PLAGL1: variants seen among roughly 807,000 people sequenced by gnomAD.
The protein encoded by PLAGL1 is PLAG1 like zinc finger 1, also known as zinc finger protein PLAGL1.
In PLAGL1, 1 loss-of-function variant was observed where a neutral mutation model predicts 4.6. That is an observed-to-expected ratio of 0.22 (90% CI 0.08 to 1.03). The LOEUF (loss-of-function observed/expected upper bound fraction) is 1.03. Among genes scored for constraint, PLAGL1 ranks in the 50% least tolerant of loss-of-function variants. The pLI is 0.58. For synonymous variants in PLAGL1, 240 were observed against 237.8 expected, an observed-to-expected ratio of 1.01 and a Z score of -0.08; for missense variants, 464 against 570.4, an observed-to-expected ratio of 0.81 and a Z score of 1.90.
rs554217983 is a variant in PLAGL1 at position 144,039,571 on chromosome 6, G to A, written c.-151+24897C>T. ...ACTTCACTTCAGCCTGGGTGACAGA[G>A]TGAGACTGTGTCTCAAAAATAAAAT... On this transcript the variant is annotated intron_variant, in intron 1 of 3. Coordinates refer to the PLAGL1 transcript ENST00000437412. This position sits in a 1 kb window ranked among gnomAD's most constrained non-coding sequence, Gnocchi z 4.1. 1.4e-4 allele frequency among the ~76,000 whole-genome samples: 21 copies of A among 152,310 alleles called. No individual in the cohort carries two copies. Among genetic ancestry groups the A allele is most frequent in the African/African-American group, 4.8e-4 (20 of 41,560 alleles).
rs550055479 is a variant in PLAGL1 at position 143,957,086 on chromosome 6, T to C, written c.-325+3383A>G. 6.6e-6 allele frequency among the ~76,000 whole-genome samples: 1 copy of C among 152,378 alleles called. No individual in the cohort carries two copies. Among genetic ancestry groups the C allele is most frequent in the East Asian group, 1.9e-4 (1 of 5,190 alleles). On this transcript the variant is annotated intron_variant, in intron 6 of 7. Coordinates refer to ENST00000674357, the MANE Select transcript of PLAGL1 (RefSeq NM_001317162.2). The surrounding 1 kb of genome is among the most constrained non-coding windows in gnomAD (Gnocchi z 4.2). The stretch of plus-strand genomic sequence containing the variant: ...GGAAAAGAAATATTGTTGCAGACTC[T>C]TGGATCTTTGACAGGCCTCCTCACC...
intron 1 of PLAGL1, among the ~76,000 whole-genome samples, chr6:144,062,470 CAAAAAAAAAAA>C (rs543521128): frequency 2.6e-5 from 2 of 75,700 alleles, no homozygotes; most frequent in African/African-American, 5.2e-5. Context: ...GTTATCAGAC[CAAAAAAAAAAA>C]AAAAAAAAAA....
At chr6:143,992,035 G>GT (rs1219943675) in intron 1 of PLAGL1, among the ~76,000 whole-genome samples, 1 of 152,188 alleles carries the variant, frequency 6.6e-6, no homozygotes, top group Non-Finnish European at 1.5e-5. Context: ...ATGAGGTAAA[G>GT]TGGTCAAGGA....
chr6:144,042,752 A>G (rs1797836864), intron 1 of PLAGL1, among the ~76,000 whole-genome samples: 1 of 152,148 alleles, frequency 6.6e-6, no homozygotes, highest in Admixed American at 6.5e-5. Context: ...TGAATCTATA[A>G]ATTACCTTGG....
In PLAGL1 at chr6:143,964,571, C is replaced by T. The variant is rs1351697108; in HGVS notation, c.-399+216G>A. The stretch of plus-strand genomic sequence containing the variant: ...AATCTTAGAACAGTGCACATCTGTG[C>T]TATAGACTAGCTACAACTGCTGGAA... On this transcript the variant is annotated intron_variant, in intron 5 of 7. Coordinates refer to ENST00000674357, the MANE Select transcript of PLAGL1 (RefSeq NM_001317162.2). The surrounding 1 kb of genome is among the most constrained non-coding windows in gnomAD (Gnocchi z 4.3). Among the ~76,000 whole-genome samples, 1 of 151,880 alleles carries T rather than the reference C, an allele frequency of 6.6e-6. No individual in the cohort carries two copies. Among genetic ancestry groups the T allele is most frequent in the East Asian group, 1.9e-4 (1 of 5,150 alleles).
In PLAGL1 at chr6:143,964,980, C is replaced by T. The variant is rs1784145238; in HGVS notation, c.-430-162G>A. The T allele has an allele frequency of 6.6e-6, 1 of 152,116 alleles. No homozygotes were observed. Among genetic ancestry groups the T allele is most frequent in the South Asian group, 2.1e-4 (1 of 4,814 alleles). The allele number at this position is 152,116 out of a possible 1,614,324, so 9.4% of individuals were successfully genotyped here. A position where few individuals can be genotyped will look rare whatever the true frequency, so the allele number is the denominator to read the frequency against. ...TGGAGTCATGAGATCCAGGACACCC[C>T]CGTTTCCCAAGCCTGGATGTGCCTC... On this transcript the variant is annotated intron_variant, in intron 4 of 7. Coordinates refer to ENST00000674357, the MANE Select transcript of PLAGL1 (RefSeq NM_001317162.2). The surrounding 1 kb of genome is among the most constrained non-coding windows in gnomAD (Gnocchi z 4.3).
Position 144,055,261 on chromosome 6 carries a change from C to T in PLAGL1, c.-151+9207G>A, listed in dbSNP as rs1224579313. Among the ~76,000 whole-genome samples, 1 of 152,114 alleles carries T rather than the reference C, an allele frequency of 6.6e-6. No homozygotes were observed. The highest frequency in any genetic ancestry group is 2.4e-5 in the African/African-American group (1 of 41,390). On this transcript the variant is annotated intron_variant, in intron 1 of 3. Transcript: ENST00000437412. The surrounding 1 kb of genome is among the most constrained non-coding windows in gnomAD (Gnocchi z 5.0). ...GACAGAGAAGAAAGCTTACCGAGTG[C>T]TTAGTTCAACACTTTCATTTTACAT...
intron 2 of PLAGL1, among the ~76,000 whole-genome samples, chr6:143,976,690 G>A (rs1461446559): frequency 6.6e-6 from 1 of 152,148 alleles, no homozygotes; most frequent in East Asian, 1.9e-4. Context: ...ACTCAGCCTA[G>A]AGCTGGTGAA....
Position 144,061,652 on chromosome 6 carries a change from C to CTA in PLAGL1, c.-151+2814_-151+2815dup, listed in dbSNP as rs1356918465. Among the ~76,000 whole-genome samples the CTA allele has an allele frequency of 6.6e-6, 1 of 152,190 alleles. No homozygotes were observed. The highest frequency in any genetic ancestry group is 1.9e-4 in the East Asian group (1 of 5,206). Reference sequence around the variant, plus strand: ...TTGAAATAACTTTAAAACTACAAATCTATACAGTTTTATTAAAATGTATAT... The same window carrying CTA: ...TTGAAATAACTTTAAAACTACAAATCTATATACAGTTTTATTAAAATGTATAT... On this transcript the variant is annotated intron_variant, in intron 1 of 3. Coordinates refer to the PLAGL1 transcript ENST00000437412. The surrounding 1 kb of genome is among the most constrained non-coding windows in gnomAD (Gnocchi z 4.4).
rs1796418344 is a variant in PLAGL1 at position 144,027,241 on chromosome 6, A to AAGAAAGAAAGAAAGAAAGAT, written c.-151+37226_-151+37227insATCTTTCTTTCTTTCTTTCT. Among the ~76,000 whole-genome samples, 2 of 92,504 alleles carry AAGAAAGAAAGAAAGAAAGAT rather than the reference A, an allele frequency of 2.2e-5. No individual in the cohort carries two copies. Among genetic ancestry groups the AAGAAAGAAAGAAAGAAAGAT allele is most frequent in the African/African-American group, 8.0e-5 (2 of 24,966 alleles). 60.7% of individuals were successfully genotyped at this position (92,504 alleles called of 152,430 possible). A position where few individuals can be genotyped will look rare whatever the true frequency, so the allele number is the denominator to read the frequency against. ...CCCAACTCAAAGAACGAACGAAAGA[A>AAGAAAGAAAGAAAGAAAGAT]AGAAAGAAAGAAAGAAAGAAAGAAA... On this transcript the variant is annotated intron_variant, in intron 1 of 3. Transcript: ENST00000437412. The surrounding 1 kb of genome is among the most constrained non-coding windows in gnomAD (Gnocchi z 5.8).
chr6:143,956,578 T>TCCC (rs1481764186), intron 6 of PLAGL1, among the ~76,000 whole-genome samples: 3 of 152,188 alleles, frequency 2.0e-5, no homozygotes, highest in African/African-American at 7.2e-5. Context: ...AATCTTTTGG[T>TCCC]TATCTCTTCT....
At chr6:144,046,109 T>C (rs1434825449) in intron 1 of PLAGL1, among the ~76,000 whole-genome samples, 1 of 152,172 alleles carries the variant, frequency 6.6e-6, no homozygotes, top group East Asian at 1.9e-4. Flanking sequence ...GTTTCTGGCT[T>C]CCTTGCAATG....
At chr6:144,043,925 A>G (rs905585443) in intron 1 of PLAGL1, among the ~76,000 whole-genome samples, 30 of 152,142 alleles carry the variant, frequency 2.0e-4, no homozygotes, top group Non-Finnish European at 2.1e-4. Context: ...TGTGTCCAGG[A>G]ATTTATCCAT....
chr6:143,986,405 T>C (rs1789173825), intron 1 of PLAGL1, among the ~76,000 whole-genome samples: 1 of 152,114 alleles, frequency 6.6e-6, no homozygotes, highest in Non-Finnish European at 1.5e-5. Context: ...CTTTATATTA[T>C]AGCAACAAAC....
chr6:143,974,949 A>G (rs1786184221), intron 2 of PLAGL1, among the ~76,000 whole-genome samples: 2 of 152,190 alleles, frequency 1.3e-5, no homozygotes, highest in African/African-American at 4.8e-5. Flanking sequence ...TTATCAATCC[A>G]TTTACGTATC....
At chr6:144,041,089 A>G (rs1364933005) in intron 1 of PLAGL1, among the ~76,000 whole-genome samples, 1 of 152,144 alleles carries the variant, frequency 6.6e-6, no homozygotes, top group African/African-American at 2.4e-5. Flanking sequence ...GTGAAGACCA[A>G]TGGGGAGTAG....
rs1036801719 is a variant in PLAGL1, at chr6:143,985,143, A to G, written c.-552T>C. On this transcript the variant is annotated 5_prime_UTR_variant, in exon 2 of 8. Transcript: ENST00000674357. The surrounding 1 kb of genome is among the most constrained non-coding windows in gnomAD (Gnocchi z 4.4). Reference sequence around the variant, plus strand: ...CTGAAATATCAGCTTACAAAAGCCAATCACGATGTTTATGAATCAGGCAGG... The same window carrying G: ...CTGAAATATCAGCTTACAAAAGCCAGTCACGATGTTTATGAATCAGGCAGG... 3.9e-5 allele frequency: 6 copies of G among 152,238 alleles called. No homozygotes were observed. Among genetic ancestry groups the G allele is most frequent in the Admixed American group, 6.5e-5 (1 of 15,270 alleles). The allele number at this position is 152,238 out of a possible 1,614,324, so 9.4% of individuals were successfully genotyped here.
chr6:143,960,109 A>G lies in PLAGL1; in HGVS notation c.-325+360T>C, dbSNP rs1783060580. Among the ~76,000 whole-genome samples, 2 of 152,222 alleles carry G rather than the reference A, an allele frequency of 1.3e-5. No individual in the cohort carries two copies. Among genetic ancestry groups the G allele is most frequent in the African/African-American group, 2.4e-5 (1 of 41,458 alleles). On this transcript the variant is annotated intron_variant, in intron 6 of 7. Transcript: ENST00000674357. The surrounding 1 kb of genome is among the most constrained non-coding windows in gnomAD (Gnocchi z 5.7). Reference sequence around the variant, plus strand: ...ACAACCTCTTACACATCTTATGTACACAAGTTAGGAGTGTTGGCAGGGGCA... The same window carrying G: ...ACAACCTCTTACACATCTTATGTACGCAAGTTAGGAGTGTTGGCAGGGGCA...
chr6:144,009,623 G>C (rs945576754), upstream of PLAGL1, among the ~76,000 whole-genome samples: 1 of 152,114 alleles, frequency 6.6e-6, no homozygotes, highest in African/African-American at 2.4e-5. Flanking sequence ...TCATCAACCC[G>C]TCATCTACAT....
Sources: allele counts gnomAD v4.1 joint callset (sites outside exome capture counted in the v4.1 genomes callset), GRCh38; gene constraint gnomAD v4.1.1; non-coding constraint Gnocchi (gnomAD v3.1); transcripts MANE v1.5; gene names NCBI Gene and HGNC (gene_info 2026-07-23, HGNC 2026-07-21).